The following MEIKIN variants were observed in gnomAD, a reference collection of about 807,000 sequenced individuals.
MEIKIN encodes meiosis-specific kinetochore protein.
At chr5:131,940,451 T>C (rs1232863406) in intron 4 of MEIKIN, among the ~76,000 whole-genome samples, 1 of 152,242 alleles carries the variant, frequency 6.6e-6, no homozygotes, top group African/African-American at 2.4e-5. Flanking sequence ...GCCTGCTATA[T>C]TATGGATTCA....
chr5:131,819,268 T>C (rs1222758258), intron 11 of MEIKIN, among the ~76,000 whole-genome samples: 1 of 151,970 alleles, frequency 6.6e-6, no homozygotes. Context: ...TTACCTCAGG[T>C]AATGTTGACA....
At chr5:131,921,527 C>T (rs1325973544) in intron 6 of MEIKIN, among the ~76,000 whole-genome samples, 3 of 151,870 alleles carry the variant, frequency 2.0e-5, no homozygotes, top group African/African-American at 4.8e-5. Context: ...TGTGGTGGCA[C>T]GTGCCTGTAA....
intron 9 of MEIKIN, among the ~76,000 whole-genome samples, chr5:131,862,015 A>G (rs74594928): frequency 0.027 from 4,072 of 152,290 alleles, 192 homozygotes; most frequent in African/African-American, 0.093. Flanking sequence ...AAATAGTATG[A>G]GGAAGACTGG....
intron 9 of MEIKIN, among the ~76,000 whole-genome samples, chr5:131,873,470 C>A (rs937840906): frequency 3.3e-5 from 5 of 152,096 alleles, no homozygotes; most frequent in Non-Finnish European, 7.4e-5. Context: ...ATATATGCAC[C>A]CAATATAGGA....
intron 8 of MEIKIN, among the ~76,000 whole-genome samples, chr5:131,907,131 C>A (rs1345112920): frequency 1.3e-5 from 2 of 152,102 alleles, no homozygotes; most frequent in East Asian, 3.8e-4. Context: ...TGAAAATATT[C>A]TTGAAACAAA....
intron 11 of MEIKIN, among the ~76,000 whole-genome samples, chr5:131,842,920 C>A (rs528864232): frequency 2.0e-5 from 3 of 152,356 alleles, no homozygotes; most frequent in East Asian, 1.9e-4. Context: ...TCTGCCCCTG[C>A]AGCAGACTTC....
intron 12 of MEIKIN, among the ~76,000 whole-genome samples, chr5:131,813,689 A>C (rs1257239235): frequency 6.6e-6 from 1 of 151,984 alleles, no homozygotes; most frequent in African/African-American, 2.4e-5. Context: ...AGCCTCCCGA[A>C]GTACTGGGAT....
chr5:131,932,162 T>C (rs1003224386), intron 5 of MEIKIN, among the ~76,000 whole-genome samples: 46 of 152,186 alleles, frequency 3.0e-4, no homozygotes, highest in African/African-American at 9.4e-4. Flanking sequence ...GAAATAAGCA[T>C]TGGGTGAGCA....
chr5:131,913,744 T>C (rs2149644459), intron 7 of MEIKIN, among the ~76,000 whole-genome samples: 1 of 152,332 alleles, frequency 6.6e-6, no homozygotes, highest in South Asian at 2.1e-4. Flanking sequence ...ACGATTTGTG[T>C]TCATCAGTAA....
intron 8 of MEIKIN, among the ~76,000 whole-genome samples, chr5:131,891,140 T>G (rs1414981181): frequency 6.6e-6 from 1 of 152,202 alleles, no homozygotes; most frequent in Non-Finnish European, 1.5e-5. Context: ...CTTCCAACTA[T>G]GTGGTCAATT....
chr5:131,835,663 G>A (rs1373101668), intron 11 of MEIKIN, among the ~76,000 whole-genome samples: 1 of 151,996 alleles, frequency 6.6e-6, no homozygotes, highest in Non-Finnish European at 1.5e-5. Context: ...GTGCAATCTT[G>A]GCTCACTGCA....
At chr5:131,820,228 C>T (rs1040889115) in intron 11 of MEIKIN, among the ~76,000 whole-genome samples, 2 of 151,838 alleles carry the variant, frequency 1.3e-5, no homozygotes, top group South Asian at 2.1e-4. Context: ...TGTGCCACCA[C>T]GCCTGGTTAA....
intron 10 of MEIKIN, among the ~76,000 whole-genome samples, chr5:131,852,968 G>GT (rs1750139490): frequency 6.6e-6 from 1 of 152,018 alleles, no homozygotes; most frequent in Admixed American, 6.5e-5. Context: ...CTCATTTTCT[G>GT]GAAAAAGTAT....
At chr5:131,887,680 G>T (rs1004400281) in intron 8 of MEIKIN, among the ~76,000 whole-genome samples, 17 of 150,162 alleles carry the variant, frequency 1.1e-4, no homozygotes, top group Admixed American at 6.6e-4. Flanking sequence ...TTTTTGTTGG[G>T]TTTTTTTCTT....
intron 12 of MEIKIN, among the ~76,000 whole-genome samples, chr5:131,817,408 G>A (rs1170473957): frequency 1.3e-5 from 2 of 151,872 alleles, no homozygotes; most frequent in African/African-American, 4.8e-5. Context: ...TCACGAGATC[G>A]AGACCATCCT....
At chr5:131,831,807 G>C (rs956729090) in intron 11 of MEIKIN, among the ~76,000 whole-genome samples, 4 of 152,120 alleles carry the variant, frequency 2.6e-5, no homozygotes, top group African/African-American at 9.7e-5. Flanking sequence ...AAGAGAAAAT[G>C]AGGAAGAAAA....
At chr5:131,871,477 AT>A (rs1362577652) in intron 9 of MEIKIN, among the ~76,000 whole-genome samples, 1 of 152,232 alleles carries the variant, frequency 6.6e-6, no homozygotes, top group Non-Finnish European at 1.5e-5. Flanking sequence ...CCGAGTCTTG[AT>A]TAGGTAAACA....
intron 12 of MEIKIN, among the ~76,000 whole-genome samples, chr5:131,814,348 C>T (rs1340769846): frequency 6.7e-6 from 1 of 150,216 alleles, no homozygotes; most frequent in East Asian, 2.0e-4. Context: ...GTGATTACAG[C>T]TTACTGCAGC....
intron 8 of MEIKIN, among the ~76,000 whole-genome samples, chr5:131,891,484 T>A (rs1168740254): frequency 6.6e-6 from 1 of 152,238 alleles, no homozygotes; most frequent in African/African-American, 2.4e-5. Flanking sequence ...GCCTCCTTTG[T>A]CTCTTTTGAT....
Sources: allele counts gnomAD v4.1 joint callset (sites outside exome capture counted in the v4.1 genomes callset), GRCh38; gene constraint gnomAD v4.1.1; transcripts MANE v1.5; gene names NCBI Gene and HGNC (gene_info 2026-07-23, HGNC 2026-07-21).